NAIF1: variants seen among roughly 807,000 people sequenced by gnomAD.
The protein encoded by NAIF1 is nuclear apoptosis inducing factor 1, also known as nuclear apoptosis-inducing factor 1.
NAIF1 carries 14 observed loss-of-function variants against 20.7 expected under a neutral mutation model. The observed-to-expected ratio is 0.67, with a 90% confidence interval of 0.45 to 1.05. NAIF1 has a LOEUF of 1.05. NAIF1 is among the 50% of genes least tolerant of loss of function. The pLI, the probability that NAIF1 is intolerant of heterozygous loss-of-function variation, is 0.00. For missense variants in NAIF1, 362 were observed against 448.8 expected (o/e 0.81, Z 1.75); for synonymous variants, 191 against 191.4 (o/e 1.00, Z 0.02).
Position 128,066,822 on chromosome 9 carries a change from C to G in NAIF1, c.280G>C (p.Glu94Gln). Residue 94 changes from glutamate (E) to glutamine (Q), a missense_variant, in exon 1 of 2, where the codon GAG (glutamate) becomes CAG (glutamine). Glu to Gln is a conservative substitution (Grantham distance 29, BLOSUM62 2). Around this residue, in one of 3 missense-constraint regions of NAIF1, gnomAD observed 300 missense variants for 342.7 expected, o/e 0.88. Transcript: ENST00000373078. Reference sequence around the variant, plus strand: ...TCCTCCTCAGTGGGCCCCGGCGCCTCACCACCCTCCACGGCGGCCCGGACC... The same window carrying G: ...TCCTCCTCAGTGGGCCCCGGCGCCTGACCACCCTCCACGGCGGCCCGGACC... ...AQVRAAVEGG[E>Q]APGPTEEDGA... 1 of 1,611,522 alleles carries G rather than the reference C, an allele frequency of 6.2e-7. No individual in the cohort carries two copies. The highest frequency in any genetic ancestry group is 8.5e-7 in the Non-Finnish European group (1 of 1,179,138).
At chr9:128,064,768 C>T (rs993822586) in intron 1 of NAIF1, among the ~76,000 whole-genome samples, 12 of 151,892 alleles carry the variant, frequency 7.9e-5, no homozygotes, top group African/African-American at 2.4e-4. Context: ...TTTGGGAGGC[C>T]GAGGTGGGTG....
rs143478210 is a variant in NAIF1 at position 128,066,975 on chromosome 9, C to A, written c.127G>T (p.Ala43Ser). ...ATGCCGTGCCAGGCCGCACTCTTGG[C>A]GGCCAGGGGTACCCCGGCGTTGAAG... The part of the protein sequence containing the change: ...NHFNAGVPLA[A>S]KSAAWHGILR... The change falls in exon 1 of 2, where the codon GCC becomes TCC. Residue 43 changes from alanine (A) to serine (S), a missense_variant. Coordinates refer to ENST00000373078, the MANE Select transcript of NAIF1 (RefSeq NM_197956.4). The A allele has an allele frequency of 1.9e-6, 3 of 1,613,436 alleles. No individual in the cohort carries two copies. Among genetic ancestry groups the A allele is most frequent in the East Asian group, 4.5e-5 (2 of 44,876 alleles).
At position 128,061,416 on chromosome 9, in the gene NAIF1, G is replaced by A. The variant is rs1400886270; in HGVS notation, c.*2012C>T. Reference sequence around the variant, plus strand: ...AAGTCCCTGCAGCGACCTTGCTGGGGCCATCAGACCGCACAGAGTGGAGGT... The same window carrying A: ...AAGTCCCTGCAGCGACCTTGCTGGGACCATCAGACCGCACAGAGTGGAGGT... On this transcript the variant is annotated 3_prime_UTR_variant, in exon 2 of 2. Transcript: ENST00000373078. 3.9e-5 allele frequency: 6 copies of A among 152,292 alleles called. No homozygotes were observed. Among genetic ancestry groups the A allele is most frequent in the African/African-American group, 1.4e-4 (6 of 41,542 alleles). The allele number at this position is 152,292 out of a possible 1,614,324, so 9.4% of individuals were successfully genotyped here.
chr9:128,063,595 G>A lies in NAIF1; in HGVS notation c.817C>T (p.Gln273Ter). The A allele has an allele frequency of 6.2e-7, 1 of 1,613,124 alleles. No individual in the cohort carries two copies. Among genetic ancestry groups the A allele is most frequent in the Non-Finnish European group, 8.5e-7 (1 of 1,180,046 alleles). Residue 273 changes from glutamine to a stop codon, truncating the protein, a stop_gained, in exon 2 of 2, where the codon CAG becomes TAG. Coordinates refer to ENST00000373078, the MANE Select transcript of NAIF1 (RefSeq NM_197956.4). LOFTEE classifies it high-confidence loss of function. This position sits in a 1 kb window ranked among gnomAD's most constrained non-coding sequence, Gnocchi z 4.3. The stretch of plus-strand genomic sequence containing the variant: ...GCAGCCTGTGTGCCCTCCATGGCCT[G>A]GGCCTGGCGCTCCTGGGCACAGGCC... ...VQACAQERQA[Q>*]AMEGTQAALS...
rs532082715 is a variant in NAIF1 at position 128,063,305 on chromosome 9, G to A, written c.*123C>T. 1.4e-4 allele frequency: 120 copies of A among 859,778 alleles called. No homozygotes were observed. Among genetic ancestry groups the A allele is most frequent in the Non-Finnish European group, 2.1e-4 (115 of 558,944 alleles). The allele number at this position is 859,778 out of a possible 1,614,324, so 53.3% of individuals were successfully genotyped here. ...TTCTCAAAAACAGTGCAACCCCTAA[G>A]CGTTTATTAAAGAGGGAGCTGTGCA... On this transcript the variant is annotated 3_prime_UTR_variant, in exon 2 of 2. Transcript: ENST00000373078. The surrounding 1 kb of genome is among the most constrained non-coding windows in gnomAD (Gnocchi z 4.3).
Position 128,063,466 on chromosome 9 carries a change from C to T in NAIF1, c.946G>A (p.Val316Met). The change falls in exon 2 of 2, where the codon GTG becomes ATG. Residue 316 changes from valine to methionine, a missense_variant. This residue lies in a region of NAIF1 where 300 missense variants were observed against 342.7 expected (regional missense o/e 0.88). Transcript: ENST00000373078. The surrounding 1 kb of genome is among the most constrained non-coding windows in gnomAD (Gnocchi z 4.3). ...CTGTCTGGCTGCCCATTCTGGGCCA[C>T]CTGCCCAGGGTCAGAGGCGGGGGCC... ...NPAPASDPGQ[V>M]AQNGQPDSII... 1 of 1,609,452 alleles carries T rather than the reference C, an allele frequency of 6.2e-7. No individual in the cohort carries two copies. The highest frequency in any genetic ancestry group is 8.5e-7 in the Non-Finnish European group (1 of 1,179,954).
intron 1 of NAIF1, among the ~76,000 whole-genome samples, chr9:128,064,293 G>A (rs1042169552): frequency 6.6e-6 from 1 of 151,262 alleles, no homozygotes; most frequent in Non-Finnish European, 1.5e-5. Context: ...TTTCACCGTG[G>A]TCTCGATCTC....
At position 128,063,400 on chromosome 9, in the gene NAIF1, T is replaced by C. The variant is rs755379130; in HGVS notation, c.*28A>G. Reference sequence around the variant, plus strand: ...AGTCCATGGAGTTTTCATCCCATCATGGCAGAAGGCTGGCCTGACCCCTGC... The same window carrying C: ...AGTCCATGGAGTTTTCATCCCATCACGGCAGAAGGCTGGCCTGACCCCTGC... On this transcript the variant is annotated 3_prime_UTR_variant, in exon 2 of 2. Coordinates refer to ENST00000373078, the MANE Select transcript of NAIF1 (RefSeq NM_197956.4). This position sits in a 1 kb window ranked among gnomAD's most constrained non-coding sequence, Gnocchi z 4.3. The C allele has an allele frequency of 3.8e-6, 6 of 1,582,934 alleles. No homozygotes were observed. In the East Asian group the frequency reaches 1.3e-4, roughly 36 times the overall value.
rs749526532 is a variant in NAIF1, at chr9:128,063,821, T to G, written c.591A>C (p.Pro197=). The change falls in exon 2 of 2, where the codon CCA becomes CCC. Residue 197 remains proline (P), a synonymous_variant. Transcript: ENST00000373078. The surrounding 1 kb of genome is among the most constrained non-coding windows in gnomAD (Gnocchi z 4.3). Reference sequence around the variant, plus strand: ...CCATCATGTCCACAGGGGTCTCTGGTGGCAGAGGTGGGGGCGCCTCAGCCG... The same window carrying G: ...CCATCATGTCCACAGGGGTCTCTGGGGGCAGAGGTGGGGGCGCCTCAGCCG... ...YCTAEAPPPL[P]PETPVDMMAQ... is the part of the protein sequence containing the mutation. The G allele has an allele frequency of 1.3e-4, 206 of 1,613,148 alleles. No homozygotes were observed. The highest frequency in any genetic ancestry group is 1.7e-4 in the Non-Finnish European group (200 of 1,180,026).
intron 1 of NAIF1, among the ~76,000 whole-genome samples, chr9:128,065,962 G>A (rs188700753): frequency 3.9e-5 from 6 of 152,196 alleles, no homozygotes; most frequent in African/African-American, 7.2e-5. Flanking sequence ...AACTGATGGC[G>A]AAGCTATTCC....
chr9:128,062,809 C>T lies in NAIF1; in HGVS notation c.*619G>A, dbSNP rs1832734402. 1 of 156,758 alleles carries T rather than the reference C, an allele frequency of 6.4e-6. No individual in the cohort carries two copies. 9.7% of individuals were successfully genotyped at this position (156,758 alleles called of 1,614,324 possible). On this transcript the variant is annotated 3_prime_UTR_variant, in exon 2 of 2. Coordinates refer to ENST00000373078, the MANE Select transcript of NAIF1 (RefSeq NM_197956.4). ...ATTCCTGAGCCAGACTGGCTGCACA[C>T]TGCATGTATTACGGAGGCGTCCCAG...
chr9:128,063,384 A>C lies in NAIF1; in HGVS notation c.*44T>G. On this transcript the variant is annotated 3_prime_UTR_variant, in exon 2 of 2. Coordinates refer to ENST00000373078, the MANE Select transcript of NAIF1 (RefSeq NM_197956.4). The surrounding 1 kb of genome is among the most constrained non-coding windows in gnomAD (Gnocchi z 4.3). Reference sequence around the variant, plus strand: ...ACAGGACCCACTTACAAGTCCATGGAGTTTTCATCCCATCATGGCAGAAGG... The same window carrying C: ...ACAGGACCCACTTACAAGTCCATGGCGTTTTCATCCCATCATGGCAGAAGG... 1 of 1,547,078 alleles carries C rather than the reference A, an allele frequency of 6.5e-7. No individual in the cohort carries two copies. Among genetic ancestry groups the C allele is most frequent in the Non-Finnish European group, 8.8e-7 (1 of 1,138,728 alleles).
chr9:128,065,495 A>G (rs992692631), intron 1 of NAIF1, among the ~76,000 whole-genome samples: 1 of 152,164 alleles, frequency 6.6e-6, no homozygotes, highest in Non-Finnish European at 1.5e-5. Flanking sequence ...AGCAGTAGCT[A>G]AAGTACCCAG....
chr9:128,063,990 C>A lies in NAIF1; in HGVS notation c.512-90G>T. ...TGGGGTGGGGAGGAGGCCATAAAGTCCTGTCCTGGAGGGACATAAAGGGGA... is the reference window on the plus strand; with the variant it reads ...TGGGGTGGGGAGGAGGCCATAAAGTACTGTCCTGGAGGGACATAAAGGGGA... On this transcript the variant is annotated intron_variant, in intron 1 of 1. Coordinates refer to ENST00000373078, the MANE Select transcript of NAIF1 (RefSeq NM_197956.4). The surrounding 1 kb of genome is among the most constrained non-coding windows in gnomAD (Gnocchi z 4.3). 1.7e-6 allele frequency: 2 copies of A among 1,179,496 alleles called. No individual in the cohort carries two copies. The highest frequency in any genetic ancestry group is 2.4e-6 in the Non-Finnish European group (2 of 836,974). 73.1% of individuals were successfully genotyped at this position (1,179,496 alleles called of 1,614,324 possible).
rs761108111 is a variant in NAIF1 at position 128,063,187 on chromosome 9, G to A, written c.*241C>T. 5.4e-5 allele frequency: 30 copies of A among 553,394 alleles called. No individual in the cohort carries two copies. The highest frequency in any genetic ancestry group is 8.5e-5 in the Non-Finnish European group (26 of 307,584). 34.3% of individuals were successfully genotyped at this position (553,394 alleles called of 1,614,324 possible). On this transcript the variant is annotated 3_prime_UTR_variant, in exon 2 of 2. Coordinates refer to ENST00000373078, the MANE Select transcript of NAIF1 (RefSeq NM_197956.4). This position sits in a 1 kb window ranked among gnomAD's most constrained non-coding sequence, Gnocchi z 4.3. The stretch of plus-strand genomic sequence containing the variant: ...AACACATGTCCCATCACATGCACAC[G>A]TGACCCCCTGCTAACCAATCTTCTG...
rs1006548395 is a variant in NAIF1 at position 128,064,314 on chromosome 9, G to A, written c.512-414C>T. On this transcript the variant is annotated intron_variant, in intron 1 of 1. Transcript: ENST00000373078. ...CGTGGTCTCGATCTCCTGACCTCGT[G>A]ATCCGCCCGCCTCGGCCTCCCAAAG... Among the ~76,000 whole-genome samples the A allele has an allele frequency of 4.0e-5, 6 of 151,462 alleles. No individual in the cohort carries two copies. In the South Asian group the frequency reaches 1.0e-3, roughly 26 times the overall value.
At chr9:128,066,460 G>A (rs1431918568) in intron 1 of NAIF1, 131 bp downstream of exon 1, 1 of 942,668 alleles carries the variant, frequency 1.1e-6, no homozygotes, top group African/African-American at 1.7e-5. Flanking sequence ...TGCTGCTCTT[G>A]GAAGGCCTCA....
In NAIF1 at chr9:128,063,973, G is replaced by A; in HGVS notation, c.512-73C>T. On this transcript the variant is annotated intron_variant, in intron 1 of 1. Transcript: ENST00000373078. This position sits in a 1 kb window ranked among gnomAD's most constrained non-coding sequence, Gnocchi z 4.3. ...GAATAAAGCTGGCTGTATGGGGTGG[G>A]GAGGAGGCCATAAAGTCCTGTCCTG... 1 of 1,378,716 alleles carries A rather than the reference G, an allele frequency of 7.3e-7. No homozygotes were observed. The highest frequency in any genetic ancestry group is 9.9e-7 in the Non-Finnish European group (1 of 1,006,604). The allele number at this position is 1,378,716 out of a possible 1,614,324, so 85.4% of individuals were successfully genotyped here.
intron 1 of NAIF1, among the ~76,000 whole-genome samples, chr9:128,065,416 C>A (rs556613636): frequency 2.2e-4 from 34 of 152,244 alleles, no homozygotes; most frequent in Middle Eastern, 3.4e-3. Context: ...CATGCCAGCC[C>A]TTTGATGCTT....
Sources: allele counts gnomAD v4.1 joint callset (sites outside exome capture counted in the v4.1 genomes callset), GRCh38; gene constraint gnomAD v4.1.1; regional missense constraint gnomAD v4.1.1; non-coding constraint Gnocchi (gnomAD v3.1); transcripts MANE v1.5; gene names NCBI Gene and HGNC (gene_info 2026-07-23, HGNC 2026-07-21).